VSIG10L2: variants seen among roughly 807,000 people sequenced by gnomAD.
VSIG10L2 encodes the protein V-set and immunoglobulin domain containing 10 like 2.
VSIG10L2 carries 56 observed loss-of-function variants against 67.1 expected under a neutral mutation model. The ratio of observed to expected loss-of-function variants is 0.83; its 90% confidence interval spans 0.67 to 1.04. The LOEUF is 1.04. Ranked by LOEUF, VSIG10L2 falls within the 50% of genes least tolerant of loss-of-function variation. VSIG10L2 has a pLI of 0.00. For missense variants in VSIG10L2, 843 were observed against 932.8 expected (o/e 0.90, Z 1.25); for synonymous variants, 360 against 396.6 (o/e 0.91, Z 1.10).
rs979967311 is a variant in VSIG10L2, at chr11:125,950,940, T to C, written c.1016T>C (p.Val339Ala). 3.2e-5 allele frequency: 40 copies of C among 1,232,382 alleles called. No individual in the cohort carries two copies. Among genetic ancestry groups the C allele is most frequent in the Middle Eastern group, 6.2e-4 (2 of 3,232 alleles). 76.3% of individuals were successfully genotyped at this position (1,232,382 alleles called of 1,614,324 possible). The part of the protein sequence containing the change: ...YPPEGQPSCA[V>A]HPSPEAVTLL... ...CCTGAGGGACAGCCCTCCTGTGCAG[T>C]GCATCCCAGCCCTGAGGCTGTGACC... Residue 339 changes from valine (V) to alanine (A), a missense_variant, in exon 5 of 12, where the codon GTG becomes GCG. Around this residue, in one of 2 missense-constraint regions of VSIG10L2, gnomAD observed 446 missense variants for 548.4 expected, o/e 0.81. Transcript: ENST00000686984.
chr11:125,946,544 C>CT lies in VSIG10L2; in HGVS notation c.82+420dup, dbSNP rs745417197. 2.3e-3 allele frequency among the ~76,000 whole-genome samples: 332 copies of CT among 142,918 alleles called. 1 individual carries two copies. Among genetic ancestry groups the CT allele is most frequent in the African/African-American group, 5.7e-3 (224 of 39,226 alleles). 93.8% of individuals were successfully genotyped at this position (142,918 alleles called of 152,430 possible). ...GGTTTCTGGGTTACATATTTTTATT[C>CT]TTTTTTTTTTTTTGAGATGGAGTCT... is the stretch of plus-strand genomic sequence containing the variant. On this transcript the variant is annotated intron_variant, in intron 1 of 11. Transcript: ENST00000686984. The surrounding 1 kb of genome is among the most constrained non-coding windows in gnomAD (Gnocchi z 4.4).
chr11:125,954,605 G>A (rs1029522554), intron 8 of VSIG10L2, among the ~76,000 whole-genome samples: 1 of 152,114 alleles, frequency 6.6e-6, no homozygotes, highest in East Asian at 1.9e-4. Context: ...CAGGCTGAGG[G>A]TTAGGAACCC....
intron 5 of VSIG10L2, among the ~76,000 whole-genome samples, chr11:125,951,571 GC>G (rs1298461665): frequency 6.6e-6 from 1 of 152,352 alleles, no homozygotes; most frequent in East Asian, 1.9e-4. Flanking sequence ...CTTTCCGGAA[GC>G]CCCAGGGAGT....
chr11:125,949,924 C>G, intron 3 of VSIG10L2, 90 bp from the exon 4 acceptor site: 1 of 1,200,324 alleles, frequency 8.3e-7, no homozygotes, highest in Non-Finnish European at 1.0e-6. Context: ...CTACATGCCC[C>G]TAGGATGGAT....
chr11:125,946,729 G>A lies in VSIG10L2; in HGVS notation c.82+592G>A, dbSNP rs559968117. 6.6e-6 allele frequency among the ~76,000 whole-genome samples: 1 copy of A among 152,218 alleles called. No homozygotes were observed. Among genetic ancestry groups the A allele is most frequent in the South Asian group, 2.1e-4 (1 of 4,830 alleles). ...ATTTTTGTATTTTTAGTAGAGCCAGGGTTTTGCCATGTTGGCCAGGCTGGT... is the reference window on the plus strand; with the variant it reads ...ATTTTTGTATTTTTAGTAGAGCCAGAGTTTTGCCATGTTGGCCAGGCTGGT... On this transcript the variant is annotated intron_variant, in intron 1 of 11. Transcript: ENST00000686984. This position sits in a 1 kb window ranked among gnomAD's most constrained non-coding sequence, Gnocchi z 4.4.
At chr11:125,955,759 A>C (rs1010225488) in intron 11 of VSIG10L2, 58 bp from the exon 12 acceptor site, 2 of 1,128,452 alleles carry the variant, frequency 1.8e-6, no homozygotes, top group Non-Finnish European at 1.3e-6. Flanking sequence ...GAGCTCTGGG[A>C]ACACTTGGAC....
In VSIG10L2 at chr11:125,956,109, G is replaced by C; in HGVS notation, c.*195G>C. ...GTGACATGGTTACAAGAGAAGCCCT[G>C]GCCCACCTTGTGGAAGACAGAGGTG... On this transcript the variant is annotated 3_prime_UTR_variant, in exon 12 of 12. Coordinates refer to ENST00000686984, the MANE Select transcript of VSIG10L2 (RefSeq NM_001365077.2). The C allele has an allele frequency of 1.0e-5, 7 of 681,076 alleles. No homozygotes were observed. The highest frequency in any genetic ancestry group is 1.6e-5 in the Non-Finnish European group (6 of 372,316). 42.2% of individuals were successfully genotyped at this position (681,076 alleles called of 1,614,324 possible).
chr11:125,947,309 G>A (rs754695303), intron 1 of VSIG10L2: 24 of 444,682 alleles, frequency 5.4e-5, no homozygotes, highest in Middle Eastern at 1.1e-3. Flanking sequence ...ATCTTGGGGC[G>A]CTTGTTACAA....
Position 125,950,093 on chromosome 11 carries a change from G to C in VSIG10L2, c.789G>C (p.Glu263Asp). Residue 263 changes from glutamate to aspartate, a missense_variant, in exon 4 of 12, where the codon GAG (glutamate) becomes GAC (aspartate). Transcript: ENST00000686984. ...EEGFWASERE[E>D]VTLSCLAASN... Reference sequence around the variant, plus strand: ...GCTTCTGGGCCAGTGAGAGGGAAGAGGTGACCCTGAGCTGTCTGGCTGCCT... The same window carrying C: ...GCTTCTGGGCCAGTGAGAGGGAAGACGTGACCCTGAGCTGTCTGGCTGCCT... 2 of 1,232,546 alleles carry C rather than the reference G, an allele frequency of 1.6e-6. No homozygotes were observed. The highest frequency in any genetic ancestry group is 2.0e-6 in the Non-Finnish European group (2 of 988,258). 76.4% of individuals were successfully genotyped at this position (1,232,546 alleles called of 1,614,324 possible). A position where few individuals can be genotyped will look rare whatever the true frequency, so the allele number is the denominator to read the frequency against.
At chr11:125,950,836 C>G (rs1945358336) in intron 4 of VSIG10L2, 74 bp from the exon 5 acceptor site, 3 of 1,226,740 alleles carry the variant, frequency 2.4e-6, no homozygotes, top group Non-Finnish European at 2.0e-6. Flanking sequence ...CCTCCAGACT[C>G]CCCTGCCTGG....
chr11:125,952,229 G>C (rs1041507284), intron 6 of VSIG10L2, among the ~76,000 whole-genome samples, 156 bp downstream of exon 6: 2 of 152,178 alleles, frequency 1.3e-5, no homozygotes, highest in Non-Finnish European at 2.9e-5. Flanking sequence ...TGAGCTCCCA[G>C]GGACTCAAGT....
In VSIG10L2 at chr11:125,953,540, G is replaced by A. The variant is rs375195238; in HGVS notation, c.1636G>A (p.Gly546Ser). 41 of 1,232,242 alleles carry A rather than the reference G, an allele frequency of 3.3e-5. No homozygotes were observed. The highest frequency in any genetic ancestry group is 1.2e-4 in the African/African-American group (8 of 64,538). 76.3% of individuals were successfully genotyped at this position (1,232,242 alleles called of 1,614,324 possible). Residue 546 changes from glycine (G) to serine (S), a missense_variant, in exon 7 of 12, where the codon GGC becomes AGC. Transcript: ENST00000686984. Reference sequence around the variant, plus strand: ...GCCTCAACAACAAAAAGTGGACCCCGGCACTTCAGGATTCATGCTGCACCC... The same window carrying A: ...GCCTCAACAACAAAAAGTGGACCCCAGCACTTCAGGATTCATGCTGCACCC... Reference protein sequence around the residue: ...LGPQQQKVDPGTSGFMLHPEG... With the variant: ...LGPQQQKVDPSTSGFMLHPEG...
rs763646816 is a variant in VSIG10L2, at chr11:125,954,098, C to T, written c.1798C>T (p.Pro600Ser). ...VLLEVLRYPAPPNVTISRLTY... is the reference protein window; with the variant it reads ...VLLEVLRYPASPNVTISRLTY... ...CCACCCTCACCCAGGATATCCAGCTCCTCCCAATGTCACCATCAGCCGCCT... is the reference window on the plus strand; with the variant it reads ...CCACCCTCACCCAGGATATCCAGCTTCTCCCAATGTCACCATCAGCCGCCT... Residue 600 changes from proline to serine, a missense_variant, in exon 8 of 12, where the codon CCT becomes TCT. Around this residue, in one of 2 missense-constraint regions of VSIG10L2, gnomAD observed 397 missense variants for 384.4 expected, o/e 1.03. Transcript: ENST00000686984. 13 of 1,232,088 alleles carry T rather than the reference C, an allele frequency of 1.1e-5. No homozygotes were observed. Among genetic ancestry groups the T allele is most frequent in the Non-Finnish European group, 1.3e-5 (13 of 988,048 alleles). The allele number at this position is 1,232,088 out of a possible 1,614,324, so 76.3% of individuals were successfully genotyped here. A position where few individuals can be genotyped will look rare whatever the true frequency, so the allele number is the denominator to read the frequency against.
chr11:125,952,076 G>A lies in VSIG10L2; in HGVS notation c.1495+3G>A, dbSNP rs1443625057. The stretch of plus-strand genomic sequence containing the variant: ...CCCCCACTGCCACCTCCAGCTGGGT[G>A]AGTAGGGGCTAGCGAGTTTGTTCTG... On this transcript the variant is annotated splice_donor_region_variant and intron_variant, in intron 6 of 11. Transcript: ENST00000686984. 3.9e-6 allele frequency: 6 copies of A among 1,532,078 alleles called. No individual in the cohort carries two copies. The highest frequency in any genetic ancestry group is 3.5e-6 in the Non-Finnish European group (4 of 1,144,006). 94.9% of individuals were successfully genotyped at this position (1,532,078 alleles called of 1,614,324 possible). A position where few individuals can be genotyped will look rare whatever the true frequency, so the allele number is the denominator to read the frequency against.
chr11:125,948,514 T>C lies in VSIG10L2; in HGVS notation c.643T>C (p.Tyr215His), dbSNP rs1945323874. The change falls in exon 3 of 12, where the codon TAC (tyrosine) becomes CAC (histidine). Residue 215 changes from tyrosine (Y) to histidine (H), a missense_variant. Tyr to His is a moderately conservative substitution (Grantham distance 83). Around this residue, in one of 2 missense-constraint regions of VSIG10L2, gnomAD observed 446 missense variants for 548.4 expected, o/e 0.81. Coordinates refer to ENST00000686984, the MANE Select transcript of VSIG10L2 (RefSeq NM_001365077.2). ...TGTCAACCGGACACACCTAGGGTGGTACATGTGCAGCGCCAGCAACTCCGT... is the reference window on the plus strand; with the variant it reads ...TGTCAACCGGACACACCTAGGGTGGCACATGTGCAGCGCCAGCAACTCCGT... The part of the protein sequence containing the change: ...DPVNRTHLGW[Y>H]MCSASNSVNR... The C allele has an allele frequency of 8.1e-7, 1 of 1,232,132 alleles. No homozygotes were observed. The highest frequency in any genetic ancestry group is 1.0e-6 in the Non-Finnish European group (1 of 987,984). 76.3% of individuals were successfully genotyped at this position (1,232,132 alleles called of 1,614,324 possible). A position where few individuals can be genotyped will look rare whatever the true frequency, so the allele number is the denominator to read the frequency against.
In VSIG10L2 at chr11:125,956,274, T is replaced by C. The variant is rs764717594; in HGVS notation, c.*360T>C. On this transcript the variant is annotated 3_prime_UTR_variant, in exon 12 of 12. Coordinates refer to ENST00000686984, the MANE Select transcript of VSIG10L2 (RefSeq NM_001365077.2). ...TAGCTGCTTCCAGAAAAAAAGTCTGTGGATGGAGCAATTCCTAAATAAATC... is the reference window on the plus strand; with the variant it reads ...TAGCTGCTTCCAGAAAAAAAGTCTGCGGATGGAGCAATTCCTAAATAAATC... 6.1e-5 allele frequency: 34 copies of C among 561,290 alleles called. No individual in the cohort carries two copies. The highest frequency in any genetic ancestry group is 4.2e-4 in the Admixed American group (18 of 43,210). The allele number at this position is 561,290 out of a possible 1,614,324, so 34.8% of individuals were successfully genotyped here.
chr11:125,948,402 C>T lies in VSIG10L2; in HGVS notation c.531C>T (p.Pro177=), dbSNP rs635798. The T allele has an allele frequency of 0.65, 806,194 of 1,232,110 alleles. 265,526 individuals are homozygous for T. The highest frequency in any genetic ancestry group is 0.93 in the East Asian group (29,489 of 31,682). 76.3% of individuals were successfully genotyped at this position (1,232,110 alleles called of 1,614,324 possible). ...ATCAVREGTE[P]VTFAWQHRAP... is the part of the protein sequence containing the mutation. The stretch of plus-strand genomic sequence containing the variant: ...GTGCAGTGCGGGAGGGCACAGAGCC[C>T]GTGACCTTTGCCTGGCAGCATCGGG... The change falls in exon 3 of 12, where the codon CCC becomes CCT. Residue 177 remains proline (P), a synonymous_variant. Coordinates refer to ENST00000686984, the MANE Select transcript of VSIG10L2 (RefSeq NM_001365077.2).
In VSIG10L2 at chr11:125,948,145, G is replaced by A. The variant is rs868849724; in HGVS notation, c.433+109G>A. On this transcript the variant is annotated intron_variant, in intron 2 of 11. Transcript: ENST00000686984. ...GTGCGGGACCCAGGTTCTAAAGGGC[G>A]CCCCACTCCAGGGACTTTGGAAAGC... 35 of 1,231,448 alleles carry A rather than the reference G, an allele frequency of 2.8e-5. No individual in the cohort carries two copies. The Middle Eastern group carries it at 1.2e-3, about 44-fold the overall frequency. The allele number at this position is 1,231,448 out of a possible 1,614,324, so 76.3% of individuals were successfully genotyped here.
chr11:125,947,228 G>A (rs193051669), intron 1 of VSIG10L2, among the ~76,000 whole-genome samples: 10 of 152,188 alleles, frequency 6.6e-5, no homozygotes, highest in African/African-American at 1.9e-4. Flanking sequence ...TCCAGACCCC[G>A]AGCCACCAGT....
Sources: allele counts gnomAD v4.1 joint callset (sites outside exome capture counted in the v4.1 genomes callset), GRCh38; gene constraint gnomAD v4.1.1; regional missense constraint gnomAD v4.1.1; non-coding constraint Gnocchi (gnomAD v3.1); transcripts MANE v1.5; gene names NCBI Gene and HGNC (gene_info 2026-07-23, HGNC 2026-07-21).